STARD13: variants seen among roughly 807,000 people sequenced by gnomAD.
STARD13 encodes the protein stAR-related lipid transfer protein 13.
In STARD13, 62 loss-of-function variants were observed where a neutral mutation model predicts 106.4. That is an observed-to-expected ratio of 0.58 (90% confidence interval 0.48 to 0.72). The LOEUF (loss-of-function observed/expected upper bound fraction) is 0.72, where lower values mean the gene tolerates loss of function less well. Ranked by LOEUF, STARD13 falls within the 30% of genes least tolerant of loss-of-function variation. The probability of loss-of-function intolerance (pLI) is 0.00; values close to 1 mark genes in which losing one functional copy is unlikely to be tolerated. For missense variants in STARD13, 1,387 were observed against 1,424.0 expected (o/e 0.97, Z 0.42); for synonymous variants, 565 against 553.0 (o/e 1.02, Z -0.31).
intron 1 of STARD13, among the ~76,000 whole-genome samples, chr13:33,238,219 CACTT>C (rs760088925): frequency 4.6e-5 from 7 of 152,170 alleles, no homozygotes; most frequent in Non-Finnish European, 8.8e-5. Flanking sequence ...AATCCTCACT[CACTT>C]GGGTTTTTCT....
chr13:33,434,332 G>A, the STARD13 span, among the ~76,000 whole-genome samples: 1 of 116,052 alleles, frequency 8.6e-6, no homozygotes, highest in Non-Finnish European at 1.6e-5. Flanking sequence ...CAGCCTGGAT[G>A]ATAGAGCAAG....
At chr13:33,318,243 GACTC>G (rs1893417321) in intron 1 of STARD13, among the ~76,000 whole-genome samples, 1 of 152,078 alleles carries the variant, frequency 6.6e-6, no homozygotes, top group African/African-American at 2.4e-5. Context: ...ACTTACAATT[GACTC>G]ACTCATTCTG....
the STARD13 span, among the ~76,000 whole-genome samples, chr13:33,657,718 CT>C: frequency 6.6e-6 from 1 of 152,228 alleles, no homozygotes; most frequent in African/African-American, 2.4e-5. Context: ...TGCCTCCTCT[CT>C]TTGTAAGTCA....
At chr13:33,342,005 G>A (rs1342358955) in intron 1 of STARD13, among the ~76,000 whole-genome samples, 1 of 152,112 alleles carries the variant, frequency 6.6e-6, no homozygotes, top group Non-Finnish European at 1.5e-5. Context: ...TGGCCAGGCT[G>A]GTCTTAAACT....
the STARD13 span, among the ~76,000 whole-genome samples, chr13:33,668,869 C>A: frequency 6.6e-6 from 1 of 152,186 alleles, no homozygotes; most frequent in Non-Finnish European, 1.5e-5. Flanking sequence ...TAACTAAAAA[C>A]AGCAAAAATA....
At chr13:33,550,904 A>T in the STARD13 span, among the ~76,000 whole-genome samples, 25 of 152,284 alleles carry the variant, frequency 1.6e-4, no homozygotes, top group South Asian at 5.0e-3. Context: ...TCACTCCAAC[A>T]CTATACTCTT....
At chr13:33,587,215 C>CAA in the STARD13 span, among the ~76,000 whole-genome samples, 6,356 of 96,640 alleles carry the variant, frequency 0.066, 249 homozygotes, top group East Asian at 0.31. Flanking sequence ...GACTCTGTCT[C>CAA]AAAAAAAAAA....
intron 1 of STARD13, among the ~76,000 whole-genome samples, chr13:33,190,283 G>T (rs1886146958): frequency 2.6e-5 from 4 of 152,072 alleles, no homozygotes; most frequent in Non-Finnish European, 4.4e-5. Flanking sequence ...AAAATGAAAA[G>T]AATTTAGCCC....
chr13:33,297,234 T>G (rs1892529536), intron 1 of STARD13, among the ~76,000 whole-genome samples: 1 of 152,222 alleles, frequency 6.6e-6, no homozygotes, highest in South Asian at 2.1e-4. Context: ...TTTAAACAGA[T>G]CTGGTATAAC....
chr13:33,414,460 T>C, the STARD13 span, among the ~76,000 whole-genome samples: 706 of 152,258 alleles, frequency 4.6e-3, 5 homozygotes, highest in Middle Eastern at 0.017. Context: ...ACTATTCAGC[T>C]ATAAAAGGAA....
At chr13:33,147,294 G>C (rs1036345754) in intron 3 of STARD13, among the ~76,000 whole-genome samples, 1 of 152,186 alleles carries the variant, frequency 6.6e-6, no homozygotes, top group African/African-American at 2.4e-5. Flanking sequence ...AGAACTGTGT[G>C]TATACCCAGG....
chr13:33,478,871 AT>A, the STARD13 span, among the ~76,000 whole-genome samples: 1 of 152,222 alleles, frequency 6.6e-6, no homozygotes, highest in Non-Finnish European at 1.5e-5. Flanking sequence ...AGATGTAACC[AT>A]GCCACTATAC....
At chr13:33,547,737 TTTC>T in the STARD13 span, among the ~76,000 whole-genome samples, 1 of 152,196 alleles carries the variant, frequency 6.6e-6, no homozygotes, top group African/African-American at 2.4e-5. Flanking sequence ...GCACTGGCAT[TTTC>T]TTCTTCAATT....
chr13:33,125,540 AG>A (rs1173355749), intron 7 of STARD13, among the ~76,000 whole-genome samples: 1 of 152,170 alleles, frequency 6.6e-6, no homozygotes. Flanking sequence ...CTATAAAATG[AG>A]GGGATATTTG....
At chr13:33,403,725 C>T in the STARD13 span, among the ~76,000 whole-genome samples, 1 of 152,278 alleles carries the variant, frequency 6.6e-6, no homozygotes, top group Admixed American at 6.5e-5. Context: ...GTCAAGGTCC[C>T]TCAATAAATC....
chr13:33,228,016 T>C (rs914352575), intron 1 of STARD13, among the ~76,000 whole-genome samples: 5 of 152,200 alleles, frequency 3.3e-5, no homozygotes, highest in African/African-American at 1.2e-4. Context: ...TTTTAACAGT[T>C]GCGTGGTGGG....
chr13:33,480,745 C>CT, the STARD13 span, among the ~76,000 whole-genome samples: 1 of 152,082 alleles, frequency 6.6e-6, no homozygotes, highest in Non-Finnish European at 1.5e-5. Context: ...GAAACAATGA[C>CT]TAGTGTAGTA....
the STARD13 span, among the ~76,000 whole-genome samples, chr13:33,573,576 T>C: frequency 6.6e-6 from 1 of 152,212 alleles, no homozygotes; most frequent in Non-Finnish European, 1.5e-5. Context: ...GAAAATCCAC[T>C]GCACATTTCT....
chr13:33,121,744 T>G (rs1277091103), intron 7 of STARD13, among the ~76,000 whole-genome samples: 2 of 145,558 alleles, frequency 1.4e-5, no homozygotes, highest in East Asian at 4.3e-4. Flanking sequence ...AGTAGCATGA[T>G]CTCAGCTCAA....
Sources: allele counts gnomAD v4.1 joint callset (sites outside exome capture counted in the v4.1 genomes callset), GRCh38; gene constraint gnomAD v4.1.1; transcripts MANE v1.5; gene names NCBI Gene and HGNC (gene_info 2026-07-23, HGNC 2026-07-21).